Variants in CLEC9A observed in about 807,000 individuals in gnomAD.
CLEC9A encodes the protein C-type lectin domain containing 9A.
CLEC9A carries 24 observed loss-of-function variants against 30.0 expected under a neutral mutation model. The ratio of observed to expected loss-of-function variants is 0.80; its 90% confidence interval spans 0.58 to 1.13. The LOEUF (loss-of-function observed/expected upper bound fraction) is 1.13. Among genes scored for constraint, CLEC9A ranks in the 50% most tolerant of loss-of-function variants. The pLI is 0.00. For missense variants in CLEC9A, 251 were observed against 280.9 expected, an observed-to-expected ratio of 0.89 and a Z score of 0.76; for synonymous variants, 111 against 96.8, an observed-to-expected ratio of 1.15 and a Z score of -0.86.
intron 1 of CLEC9A, among the ~76,000 whole-genome samples, chr12:10,033,156 A>G (rs1192303778): frequency 6.6e-6 from 1 of 151,996 alleles, no homozygotes; most frequent in African/African-American, 2.4e-5. Context: ...GTTCCCTAGG[A>G]CACCGTTCTC....
At chr12:10,053,103 A>G (rs1485734174) in intron 4 of CLEC9A, among the ~76,000 whole-genome samples, 1 of 152,230 alleles carries the variant, frequency 6.6e-6, no homozygotes, top group African/African-American at 2.4e-5. Context: ...ATTATCTGAT[A>G]AATACTAAGA....
At chr12:10,046,460 C>G (rs1183244634) in intron 2 of CLEC9A, among the ~76,000 whole-genome samples, 2 of 152,180 alleles carry the variant, frequency 1.3e-5, no homozygotes, top group Non-Finnish European at 2.9e-5. Context: ...CAACAAGGCC[C>G]AGAGGCTACT....
intron 1 of CLEC9A, among the ~76,000 whole-genome samples, chr12:10,039,743 A>T (rs1865774833): frequency 6.6e-6 from 1 of 152,176 alleles, no homozygotes; most frequent in Non-Finnish European, 1.5e-5. Flanking sequence ...TTGATTTTTC[A>T]TGAGATATTT....
chr12:10,035,209 C>G (rs561771374), intron 1 of CLEC9A, among the ~76,000 whole-genome samples: 1 of 152,186 alleles, frequency 6.6e-6, no homozygotes, highest in Non-Finnish European at 1.5e-5. Flanking sequence ...TATGTGTCTG[C>G]CTGCTAGGGT....
Position 10,052,618 on chromosome 12 carries a change from C to G in CLEC9A, c.-58-12C>G, listed in dbSNP as rs552654851. Reference sequence around the variant, plus strand: ...ATTTCAGTTCTTACACCAACCTGCTCCAAACCACAAGAGGAGTTACTTGTT... The same window carrying G: ...ATTTCAGTTCTTACACCAACCTGCTGCAAACCACAAGAGGAGTTACTTGTT... On this transcript the variant is annotated splice_polypyrimidine_tract_variant and intron_variant, in intron 3 of 8. Coordinates refer to ENST00000355819, the MANE Select transcript of CLEC9A (RefSeq NM_207345.4). 31 of 1,582,740 alleles carry G rather than the reference C, an allele frequency of 2.0e-5. No individual in the cohort carries two copies. Among genetic ancestry groups the G allele is most frequent in the Non-Finnish European group, 2.7e-5 (31 of 1,164,942 alleles).
intron 2 of CLEC9A, among the ~76,000 whole-genome samples, chr12:10,049,691 G>T (rs544206611): frequency 6.6e-6 from 1 of 152,158 alleles, no homozygotes; most frequent in Non-Finnish European, 1.5e-5. Context: ...GAATTGAAAA[G>T]AGTTAGGGCT....
Position 10,052,738 on chromosome 12 carries a change from A to G in CLEC9A, c.51A>G (p.Pro17=). 1 of 1,614,008 alleles carries G rather than the reference A, an allele frequency of 6.2e-7. No individual in the cohort carries two copies. Among genetic ancestry groups the G allele is most frequent in the Non-Finnish European group, 8.5e-7 (1 of 1,179,924 alleles). ...YTSLQWDSPA[P]DTYQKCLSSN... ...CTCTTCAGTGGGATAGCCCAGCACC[A>G]GACACTTACCAGAAATGTCTGTCTT... is the stretch of plus-strand genomic sequence containing the variant. Residue 17 remains proline, a synonymous_variant, in exon 4 of 9, where the codon CCA becomes CCG. Transcript: ENST00000355819.
chr12:10,048,707 G>A (rs1037190171), intron 2 of CLEC9A, among the ~76,000 whole-genome samples: 1 of 152,170 alleles, frequency 6.6e-6, no homozygotes, highest in African/African-American at 2.4e-5. Flanking sequence ...CACATCTTCA[G>A]CCTCCACTTC....
intron 5 of CLEC9A, among the ~76,000 whole-genome samples, chr12:10,057,157 A>G (rs2137311366): frequency 6.6e-6 from 1 of 152,236 alleles, no homozygotes; most frequent in Non-Finnish European, 1.5e-5. Context: ...ATAACTAATT[A>G]CTTGTCCCAG....
In CLEC9A at chr12:10,060,971, T is replaced by C. The variant is rs1387157222; in HGVS notation, c.173-156T>C. The C allele has an allele frequency of 1.0e-5, 9 of 872,640 alleles. No individual in the cohort carries two copies. In the East Asian group the frequency reaches 2.2e-4, roughly 21 times the overall value. 54.1% of individuals were successfully genotyped at this position (872,640 alleles called of 1,614,324 possible). ...GTTCCACGTCTTTTGTAGTGTTTGA[T>C]TCTTGTACAATGTAAATTTTAAGCA... On this transcript the variant is annotated intron_variant, in intron 5 of 8. Coordinates refer to ENST00000355819, the MANE Select transcript of CLEC9A (RefSeq NM_207345.4).
rs768649628 is a variant in CLEC9A at position 10,052,747 on chromosome 12, C to G, written c.60C>G (p.Tyr20Ter). Residue 20 changes from tyrosine (Y) to a stop codon, truncating the protein, a stop_gained, in exon 4 of 9, where the codon TAC (tyrosine) becomes TAG (stop). Coordinates refer to ENST00000355819, the MANE Select transcript of CLEC9A (RefSeq NM_207345.4). LOFTEE classifies it high-confidence loss of function. ...GGGATAGCCCAGCACCAGACACTTACCAGAAATGTCTGTCTTCCAACAAAT... is the reference window on the plus strand; with the variant it reads ...GGGATAGCCCAGCACCAGACACTTAGCAGAAATGTCTGTCTTCCAACAAAT... ...LQWDSPAPDT[Y>*]QKCLSSNKCS... 1 of 1,613,758 alleles carries G rather than the reference C, an allele frequency of 6.2e-7. No homozygotes were observed. Among genetic ancestry groups the G allele is most frequent in the African/African-American group, 1.3e-5 (1 of 74,898 alleles).
Position 10,040,514 on chromosome 12 carries a change from C to G in CLEC9A, c.-317-952C>G, listed in dbSNP as rs1010886133. 2.0e-4 allele frequency among the ~76,000 whole-genome samples: 30 copies of G among 151,324 alleles called. 1 individual carries two copies. Among genetic ancestry groups the G allele is most frequent in the Admixed American group, 1.9e-3 (29 of 15,212 alleles). ...CGCCCAGGCTGGAGTGCGGTGGCGC[C>G]ATCTCGGCTCACTGTAAGTTCCGCC... is the stretch of plus-strand genomic sequence containing the variant. On this transcript the variant is annotated intron_variant, in intron 1 of 8. Coordinates refer to ENST00000355819, the MANE Select transcript of CLEC9A (RefSeq NM_207345.4).
intron 5 of CLEC9A, 132 bp from the exon 6 acceptor site, chr12:10,060,995 C>T (rs1865991539): frequency 1.8e-6 from 2 of 1,133,930 alleles, no homozygotes; most frequent in Middle Eastern, 2.7e-4. Flanking sequence ...AAATTTTAAG[C>T]AAAAACCTAA....
At chr12:10,039,915 C>T (rs1344039384) in intron 1 of CLEC9A, among the ~76,000 whole-genome samples, 1 of 152,006 alleles carries the variant, frequency 6.6e-6, no homozygotes, top group African/African-American at 2.4e-5. Flanking sequence ...CTCTACCTCC[C>T]AGGTCTGAGA....
intron 8 of CLEC9A, 59 bp downstream of exon 8, chr12:10,064,912 T>G: frequency 5.1e-6 from 8 of 1,576,714 alleles, no homozygotes; most frequent in Non-Finnish European, 6.9e-6. Context: ...ATTCAAAAGT[T>G]TATTTCACCT....
chr12:10,059,206 G>A (rs745853665), intron 5 of CLEC9A, among the ~76,000 whole-genome samples: 74 of 152,006 alleles, frequency 4.9e-4, no homozygotes, highest in Non-Finnish European at 9.9e-4. Flanking sequence ...TGTATTAGTC[G>A]ACAAAAAGAC....
chr12:10,060,879 T>C (rs141181403), intron 5 of CLEC9A: 1 of 354,860 alleles, frequency 2.8e-6, no homozygotes, highest in Non-Finnish European at 5.0e-6. Flanking sequence ...AAAATATAAA[T>C]TGGTAAATCT....
chr12:10,055,811 C>T (rs1865937060), intron 5 of CLEC9A, among the ~76,000 whole-genome samples: 1 of 151,890 alleles, frequency 6.6e-6, no homozygotes, highest in South Asian at 2.1e-4. Context: ...AATCCCAGCA[C>T]TTTGGGAGGC....
intron 2 of CLEC9A, among the ~76,000 whole-genome samples, chr12:10,049,876 C>T (rs142804413): frequency 3.2e-4 from 49 of 152,286 alleles, no homozygotes; most frequent in African/African-American, 1.2e-3. Context: ...ACATTCACAA[C>T]TTGGCTAGCT....
Sources: allele counts gnomAD v4.1 joint callset (sites outside exome capture counted in the v4.1 genomes callset), GRCh38; gene constraint gnomAD v4.1.1; transcripts MANE v1.5; gene names NCBI Gene and HGNC (gene_info 2026-07-23, HGNC 2026-07-21).